WTAP: variants seen among roughly 807,000 people sequenced by gnomAD.
WTAP encodes the protein pre-mRNA-splicing regulator WTAP.
Under a neutral mutation model 50.0 loss-of-function variants are expected in WTAP, and 8 were observed. That is an observed-to-expected ratio of 0.16 (90% CI 0.09 to 0.29). The LOEUF is 0.29. Ranked by LOEUF, WTAP falls within the 10% of genes least tolerant of loss-of-function variation. The probability of loss-of-function intolerance (pLI) is 1.00; values close to 1 mark genes in which losing one functional copy is unlikely to be tolerated. For missense variants in WTAP, 295 were observed against 470.7 expected, an observed-to-expected ratio of 0.63 and a Z score of 3.45; for synonymous variants, 194 against 169.0, an observed-to-expected ratio of 1.15 and a Z score of -1.15.
intron 6 of WTAP, among the ~76,000 whole-genome samples, chr6:159,750,349 T>C (rs1048634835): frequency 1.3e-5 from 2 of 152,228 alleles, no homozygotes; most frequent in African/African-American, 4.8e-5. Context: ...ATGAGTTCTA[T>C]GGTTTTTTTC....
intron 2 of WTAP, among the ~76,000 whole-genome samples, chr6:159,737,647 C>T (rs904874367): frequency 2.6e-5 from 4 of 151,904 alleles, no homozygotes; most frequent in Admixed American, 6.6e-5. Context: ...TGTGCCACTA[C>T]GCCTGGCTAA....
At chr6:159,727,017 C>A (rs1778207548), upstream of WTAP, 2 of 1,242,504 alleles carry the variant, frequency 1.6e-6, no homozygotes, top group Admixed American at 5.4e-5. Flanking sequence ...CACGAGGCAG[C>A]CCCGCAGCCG....
chr6:159,736,663 C>A (rs562860964), intron 2 of WTAP: 73 of 162,694 alleles, frequency 4.5e-4, no homozygotes, highest in African/African-American at 1.2e-3. Context: ...TATTATTATT[C>A]TTTTCCTAGT....
chr6:159,727,051 C>CGAA (rs1778210851), upstream of WTAP: 4 of 1,219,460 alleles, frequency 3.3e-6, no homozygotes, highest in Non-Finnish European at 3.1e-6. Flanking sequence ...CGAGTACTTC[C>CGAA]ACCTTCCCTT....
chr6:159,740,780 T>C (rs1176069758), intron 3 of WTAP, among the ~76,000 whole-genome samples: 19 of 151,310 alleles, frequency 1.3e-4, no homozygotes, highest in African/African-American at 4.4e-4. Flanking sequence ...CTCGGCTCAC[T>C]GCAACCGCCG....
chr6:159,737,379 C>T (rs905072386), intron 2 of WTAP, among the ~76,000 whole-genome samples: 1 of 152,104 alleles, frequency 6.6e-6, no homozygotes, highest in African/African-American at 2.4e-5. Context: ...TAATAGTTCC[C>T]TCGTTCCATT....
chr6:159,739,090 T>G, intron 3 of WTAP, 45 bp downstream of exon 3: 1 of 1,468,588 alleles, frequency 6.8e-7, no homozygotes. Context: ...TATAGAACAT[T>G]ATATTGTGAC....
chr6:159,742,532 G>A (rs1290668051), intron 4 of WTAP, among the ~76,000 whole-genome samples: 1 of 152,080 alleles, frequency 6.6e-6, no homozygotes, highest in Non-Finnish European at 1.5e-5. Context: ...ACAGATTTAT[G>A]ACAGCTTAAA....
intron 6 of WTAP, among the ~76,000 whole-genome samples, chr6:159,751,426 G>C (rs1456277768): frequency 6.6e-6 from 1 of 152,210 alleles, no homozygotes; most frequent in Non-Finnish European, 1.5e-5. Flanking sequence ...TTTGCAAGAA[G>C]ACAGTTTTGA....
intron 3 of WTAP, chr6:159,741,814 C>A (rs1000138692): frequency 3.5e-6 from 1 of 282,870 alleles, no homozygotes; most frequent in Non-Finnish European, 6.7e-6. Flanking sequence ...GTAGTGAGAC[C>A]CCATCTCTAC....
chr6:159,727,619 G>A lies in WTAP; in HGVS notation c.-93G>A. 4 of 986,088 alleles carry A rather than the reference G, an allele frequency of 4.1e-6. No homozygotes were observed. Among genetic ancestry groups the A allele is most frequent in the Non-Finnish European group, 4.8e-6 (4 of 830,550 alleles). 61.1% of individuals were successfully genotyped at this position (986,088 alleles called of 1,614,324 possible). On this transcript the variant is annotated 5_prime_UTR_variant, in exon 1 of 8. Transcript: ENST00000621533. Reference sequence around the variant, plus strand: ...CGGCAGAGCTGTCCGGCTGCGCGGTGGCCCGGGGGGCCCGGGCGGCAGGGC... The same window carrying A: ...CGGCAGAGCTGTCCGGCTGCGCGGTAGCCCGGGGGGCCCGGGCGGCAGGGC...
At chr6:159,746,004 A>G (rs1779554661) in intron 5 of WTAP, among the ~76,000 whole-genome samples, 1 of 152,220 alleles carries the variant, frequency 6.6e-6, no homozygotes, top group African/African-American at 2.4e-5. Context: ...TCCTACAAAG[A>G]TCAAATTTTA....
Position 159,752,976 on chromosome 6 carries a change from T to C in WTAP, c.453-484T>C, listed in dbSNP as rs541776003. Among the ~76,000 whole-genome samples the C allele has an allele frequency of 6.6e-5, 10 of 152,366 alleles. No individual in the cohort carries two copies. In the South Asian group the frequency reaches 2.1e-3, roughly 32 times the overall value. On this transcript the variant is annotated intron_variant, in intron 6 of 7. Transcript: ENST00000621533. ...GACTTCCTGTTAAGGAAAATCCTTA[T>C]TAAATGTTTTTCTAGCAAGAATAAA...
chr6:159,737,340 C>T (rs1004815747), intron 2 of WTAP, among the ~76,000 whole-genome samples: 5 of 152,110 alleles, frequency 3.3e-5, no homozygotes, highest in African/African-American at 4.8e-5. Context: ...CATGAGCTGC[C>T]TCTGGCAGCC....
chr6:159,743,290 A>G (rs1583090632), intron 4 of WTAP, among the ~76,000 whole-genome samples: 3 of 152,196 alleles, frequency 2.0e-5, no homozygotes, highest in Admixed American at 1.3e-4. Flanking sequence ...CAGGTGATCT[A>G]CCTGCCTCAG....
chr6:159,748,271 C>T lies in WTAP; in HGVS notation c.354C>T (p.Asn118=). Reference sequence around the variant, plus strand: ...CAACAATGGTAGACCCAGCGATCAACTTGTTTTTCCTAAAAATGAAAGGTG... The same window carrying T: ...CAACAATGGTAGACCCAGCGATCAATTTGTTTTTCCTAAAAATGAAAGGTG... ...LRSTMVDPAI[N]LFFLKMKGEL... Residue 118 remains asparagine (N), a synonymous_variant, in exon 6 of 8, where the codon AAC becomes AAT. Coordinates refer to ENST00000621533, the MANE Select transcript of WTAP (RefSeq NM_001270531.2). This position sits in a 1 kb window ranked among gnomAD's most constrained non-coding sequence, Gnocchi z 5.6. 2 of 1,614,070 alleles carry T rather than the reference C, an allele frequency of 1.2e-6. No homozygotes were observed. Among genetic ancestry groups the T allele is most frequent in the Non-Finnish European group, 1.7e-6 (2 of 1,179,972 alleles).
In WTAP at chr6:159,752,687, G is replaced by A. The variant is rs139114100; in HGVS notation, c.453-773G>A. Among the ~76,000 whole-genome samples, 465 of 152,248 alleles carry A rather than the reference G, an allele frequency of 3.1e-3. 2 individuals carry two copies. Among genetic ancestry groups the A allele is most frequent in the African/African-American group, 0.01 (431 of 41,546 alleles). On this transcript the variant is annotated intron_variant, in intron 6 of 7. Coordinates refer to ENST00000621533, the MANE Select transcript of WTAP (RefSeq NM_001270531.2). ...AAAAAAAACCTTAACTGCTGAATGT[G>A]CCTCAATTAATATAATAGATAATAT... is the stretch of plus-strand genomic sequence containing the variant.
chr6:159,748,721 G>A lies in WTAP; in HGVS notation c.452+352G>A. 1.1e-5 allele frequency: 14 copies of A among 1,246,186 alleles called. No individual in the cohort carries two copies. The highest frequency in any genetic ancestry group is 1.4e-5 in the Non-Finnish European group (14 of 996,128). 77.2% of individuals were successfully genotyped at this position (1,246,186 alleles called of 1,614,324 possible). ...GGAGAAACAGAAGTCTTAAGTCTGTGGCACACTGTGTCTTCAGACAGTTTG... is the reference window on the plus strand; with the variant it reads ...GGAGAAACAGAAGTCTTAAGTCTGTAGCACACTGTGTCTTCAGACAGTTTG... On this transcript the variant is annotated intron_variant, in intron 6 of 7. Coordinates refer to ENST00000621533, the MANE Select transcript of WTAP (RefSeq NM_001270531.2). The surrounding 1 kb of genome is among the most constrained non-coding windows in gnomAD (Gnocchi z 5.6).
At chr6:159,745,335 T>C (rs1173039975) in intron 5 of WTAP, 3 of 152,224 alleles carry the variant, frequency 2.0e-5, no homozygotes, top group Non-Finnish European at 4.4e-5. Flanking sequence ...GTTTTGATCA[T>C]ATTACGCCTG....
Sources: gnomAD v4.1 joint callset for allele counts (sites outside exome capture counted in the v4.1 genomes callset) on GRCh38, gnomAD v4.1.1 for gene constraint, Gnocchi (gnomAD v3.1) non-coding constraint, MANE v1.5 for transcripts, NCBI Gene and HGNC (gene_info 2026-07-23, HGNC 2026-07-21) for gene names.